UNC13C: variants seen among roughly 807,000 people sequenced by gnomAD.
The protein encoded by UNC13C is unc-13 homolog C.
Under a neutral mutation model 245.4 loss-of-function variants are expected in UNC13C, and 174 were observed. That is an observed-to-expected ratio of 0.71 (90% CI 0.63 to 0.80). The LOEUF is 0.80. UNC13C is among the 30% of genes least tolerant of loss of function. The pLI, the probability that UNC13C is intolerant of heterozygous loss-of-function variation, is 0.00. For missense variants in UNC13C, 2,829 were observed against 2,602.9 expected, an observed-to-expected ratio of 1.09 and a Z score of -1.89; for synonymous variants, 992 against 895.1, an observed-to-expected ratio of 1.11 and a Z score of -1.93.
intron 2 of UNC13C, chr15:54,048,720 C>T (rs553553195): frequency 4.7e-4 from 133 of 284,728 alleles, no homozygotes; most frequent in Non-Finnish European, 6.3e-4. Context: ...CCATTTTGAA[C>T]TGCCTCCATA....
intron 2 of UNC13C, among the ~76,000 whole-genome samples, chr15:54,048,300 C>G (rs577332436): frequency 1.3e-5 from 2 of 152,164 alleles, no homozygotes; most frequent in African/African-American, 4.8e-5. Context: ...CTTCTGCATA[C>G]TGCAAGTATT....
At chr15:54,466,289 A>G (rs892430146) in intron 19 of UNC13C, among the ~76,000 whole-genome samples, 7 of 152,006 alleles carry the variant, frequency 4.6e-5, no homozygotes, top group African/African-American at 1.7e-4. Context: ...ATAGTTAACA[A>G]GAATTTATAA....
chr15:54,408,199 C>CAAAAAAAAAAAAAAA lies in UNC13C; in HGVS notation c.4848-6767_4848-6753dup, dbSNP rs71105808. Among the ~76,000 whole-genome samples the CAAAAAAAAAAAAAAA allele has an allele frequency of 3.2e-3, 94 of 29,118 alleles. 22 individuals carry two copies. Among genetic ancestry groups the CAAAAAAAAAAAAAAA allele is most frequent in the Non-Finnish European group, 5.8e-3 (77 of 13,220 alleles). The allele number at this position is 29,118 out of a possible 152,430, so 19.1% of individuals were successfully genotyped here. On this transcript the variant is annotated intron_variant, in intron 18 of 32. Transcript: ENST00000260323. ...TGGGTGACAGAGTGAGACTCTGCCT[C>CAAAAAAAAAAAAAAA]AAAAAAAAAAAAAAAAAAAAAAAAA...
the UNC13C span, among the ~76,000 whole-genome samples, chr15:53,928,279 G>A: frequency 6.6e-6 from 1 of 152,196 alleles, no homozygotes; most frequent in Non-Finnish European, 1.5e-5. Flanking sequence ...ATCCCTTATG[G>A]GAAATGAAGG....
At chr15:54,175,198 A>C (rs1437709385) in intron 4 of UNC13C, among the ~76,000 whole-genome samples, 1 of 152,150 alleles carries the variant, frequency 6.6e-6, no homozygotes, top group Non-Finnish European at 1.5e-5. Flanking sequence ...CCTAAATCTT[A>C]TCTCTCCATC....
At chr15:54,303,504 G>T (rs2037641887) in intron 13 of UNC13C, among the ~76,000 whole-genome samples, 1 of 151,958 alleles carries the variant, frequency 6.6e-6, no homozygotes, top group African/African-American at 2.4e-5. Flanking sequence ...TGTTAATATA[G>T]AAAAATGGTA....
intron 19 of UNC13C, among the ~76,000 whole-genome samples, chr15:54,425,047 A>G (rs1327292043): frequency 6.6e-6 from 1 of 151,910 alleles, no homozygotes; most frequent in Admixed American, 6.6e-5. Context: ...GCCATGTGCT[A>G]CAAGAAACTC....
At chr15:54,479,743 C>G (rs1892998580) in intron 19 of UNC13C, among the ~76,000 whole-genome samples, 1 of 151,832 alleles carries the variant, frequency 6.6e-6, no homozygotes, top group African/African-American at 2.4e-5. Flanking sequence ...ATGCACTCTA[C>G]TAGTAAATTT....
intron 1 of UNC13C, among the ~76,000 whole-genome samples, chr15:53,985,116 G>A (rs939347534): frequency 1.3e-5 from 2 of 151,690 alleles, no homozygotes; most frequent in African/African-American, 4.8e-5. Context: ...CCCTCCAACA[G>A]GCCCTGGTGT....
intron 17 of UNC13C, among the ~76,000 whole-genome samples, chr15:54,339,640 G>GATATATATATATATATATAT (rs61353129): frequency 2.7e-5 from 4 of 149,682 alleles, no homozygotes; most frequent in African/African-American, 1.0e-4. Flanking sequence ...ATTATGTGGA[G>GATATATATATATATATATAT]ATATATATAT....
At chr15:54,081,609 T>A (rs78141498) in intron 2 of UNC13C, among the ~76,000 whole-genome samples, 1 of 21,896 alleles carries the variant, frequency 4.6e-5, no homozygotes, top group Non-Finnish European at 4.3e-4. Context: ...CAATCCCTGC[T>A]TTTTTTTTTC....
At chr15:53,903,894 T>C in the UNC13C span, among the ~76,000 whole-genome samples, 4 of 152,156 alleles carry the variant, frequency 2.6e-5, no homozygotes, top group Non-Finnish European at 4.4e-5. Flanking sequence ...TATTGAAATT[T>C]CCATCTGAGA....
chr15:54,519,147 C>A (rs1566884263), intron 24 of UNC13C, among the ~76,000 whole-genome samples: 2 of 151,064 alleles, frequency 1.3e-5, no homozygotes, highest in African/African-American at 4.9e-5. Context: ...TTCAGAAATT[C>A]TTTTTTTTTC....
chr15:54,110,527 A>G (rs1311158306), intron 2 of UNC13C, among the ~76,000 whole-genome samples: 1 of 152,212 alleles, frequency 6.6e-6, no homozygotes, highest in African/African-American at 2.4e-5. Flanking sequence ...ATATTACAGG[A>G]ATAAAACAAT....
rs572211418 is a variant in UNC13C at position 54,235,136 on chromosome 15, G to A, written c.3150+28G>A. On this transcript the variant is annotated intron_variant, in intron 5 of 32. Transcript: ENST00000260323. ...AAGTTACAACTGTTTAATTCTCTTC[G>A]ATTGCATGTGTGGTTTTTTTCCTTA... is the stretch of plus-strand genomic sequence containing the variant. 8.6e-5 allele frequency: 137 copies of A among 1,596,654 alleles called. No homozygotes were observed. In the East Asian group the frequency reaches 2.3e-3, roughly 27 times the overall value.
chr15:53,992,030 C>T (rs1263674792), intron 1 of UNC13C, among the ~76,000 whole-genome samples: 1 of 151,982 alleles, frequency 6.6e-6, no homozygotes, highest in Non-Finnish European at 1.5e-5. Flanking sequence ...CTTATTATCC[C>T]TTTCTCTACC....
chr15:54,559,153 A>T (rs888603128), intron 29 of UNC13C, among the ~76,000 whole-genome samples: 15 of 152,070 alleles, frequency 9.9e-5, no homozygotes, highest in African/African-American at 3.6e-4. Context: ...AGGACCCTCT[A>T]GAAATCTGCA....
intron 4 of UNC13C, among the ~76,000 whole-genome samples, chr15:54,224,944 A>C (rs1168850299): frequency 2.0e-5 from 3 of 150,890 alleles, no homozygotes; most frequent in South Asian, 4.2e-4. Context: ...ATAGTTGCTC[A>C]TAGTAGCCTC....
chr15:54,417,276 G>A (rs1466867221), intron 19 of UNC13C, among the ~76,000 whole-genome samples: 1 of 152,134 alleles, frequency 6.6e-6, no homozygotes, highest in Non-Finnish European at 1.5e-5. Context: ...TGGATTAGTG[G>A]CAAGGGCAGT....
Sources: allele counts gnomAD v4.1 joint callset (sites outside exome capture counted in the v4.1 genomes callset), GRCh38; gene constraint gnomAD v4.1.1; transcripts MANE v1.5; gene names NCBI Gene and HGNC (gene_info 2026-07-23, HGNC 2026-07-21).